The following SLC13A1 variants were observed in gnomAD, a reference collection of about 807,000 sequenced individuals.
The protein encoded by SLC13A1 is solute carrier family 13 member 1.
Under a neutral mutation model 70.0 loss-of-function variants are expected in SLC13A1, and 65 were observed. The observed-to-expected ratio is 0.93, with a 90% confidence interval of 0.76 to 1.14. The LOEUF (loss-of-function observed/expected upper bound fraction) is 1.14. SLC13A1 is among the 50% of genes most tolerant of loss of function. The pLI is 0.00. For missense variants in SLC13A1, 726 were observed against 717.8 expected (o/e 1.01, Z -0.13); for synonymous variants, 275 against 250.5 (o/e 1.10, Z -0.92).
chr7:123,150,723 A>G (rs1444595539), intron 6 of SLC13A1, among the ~76,000 whole-genome samples: 1 of 152,048 alleles, frequency 6.6e-6, no homozygotes, highest in Non-Finnish European at 1.5e-5. Flanking sequence ...GCAAGCATCT[A>G]AAAGAGTTTA....
intron 12 of SLC13A1, among the ~76,000 whole-genome samples, chr7:123,121,953 A>G (rs1000812805): frequency 7.2e-5 from 11 of 152,110 alleles, no homozygotes; most frequent in Admixed American, 6.6e-4. Flanking sequence ...TATTCTGGGT[A>G]TCCTGTAGAC....
chr7:123,135,359 CATTT>C (rs1284456101), intron 7 of SLC13A1, among the ~76,000 whole-genome samples: 6 of 152,000 alleles, frequency 3.9e-5, no homozygotes, highest in South Asian at 4.2e-4. Context: ...CTTATATAGT[CATTT>C]ATTTTATTAC....
At position 123,176,307 on chromosome 7, in the gene SLC13A1, T is replaced by C. The variant is rs1442193095; in HGVS notation, c.229-4403A>G. 2.0e-5 allele frequency among the ~76,000 whole-genome samples: 3 copies of C among 152,136 alleles called. No homozygotes were observed. The East Asian group carries it at 5.8e-4, about 29-fold the overall frequency. On this transcript the variant is annotated intron_variant, in intron 2 of 14. Transcript: ENST00000194130. Reference sequence around the variant, plus strand: ...CAGATGTGTTTGTTTATGGCCTACTTGTCCAGGGAGGTAATAGAAGAAGGT... The same window carrying C: ...CAGATGTGTTTGTTTATGGCCTACTCGTCCAGGGAGGTAATAGAAGAAGGT...
intron 7 of SLC13A1, among the ~76,000 whole-genome samples, chr7:123,146,210 T>A (rs924988067): frequency 9.2e-5 from 14 of 152,146 alleles, no homozygotes; most frequent in African/African-American, 3.1e-4. Flanking sequence ...CTTGGGAGAA[T>A]CATGGACCTT....
chr7:123,162,026 C>CTTT (rs74273952), intron 6 of SLC13A1, among the ~76,000 whole-genome samples: 1 of 131,084 alleles, frequency 7.6e-6, no homozygotes, highest in African/African-American at 2.7e-5. Context: ...AAACATATTT[C>CTTT]TTTTTTTTTT....
chr7:123,149,664 T>A, intron 6 of SLC13A1: 1 of 455,666 alleles, frequency 2.2e-6, no homozygotes, highest in South Asian at 1.6e-5. Context: ...GTGCTTGATA[T>A]TATAGTTACT....
intron 7 of SLC13A1, among the ~76,000 whole-genome samples, chr7:123,142,639 T>TTTTA (rs1491292252): frequency 4.2e-5 from 1 of 23,542 alleles, no homozygotes; most frequent in Non-Finnish European, 8.5e-5. Context: ...GGGCAAGAAC[T>TTTTA]TTTTTTTTTT....
Position 123,115,604 on chromosome 7 carries a change from C to T in SLC13A1, c.1702G>A (p.Gly568Ser), listed in dbSNP as rs746712707. The T allele has an allele frequency of 2.5e-6, 4 of 1,613,736 alleles. No homozygotes were observed. The highest frequency in any genetic ancestry group is 1.7e-5 in the Admixed American group (1 of 59,986). The change falls in exon 15 of 15, where the codon GGC becomes AGC. Residue 568 changes from glycine to serine, a missense_variant. Physicochemically the swap from Gly to Ser is moderately conservative, Grantham distance 56. Transcript: ENST00000194130. ...ATGGGTACAATCCAAGTACATATGC[C>T]AAGCATAACCACAGCAACACCAACA... ...NIVGVAVVMLGICTWIVPMFD... is the reference protein window; with the variant it reads ...NIVGVAVVMLSICTWIVPMFD...
Position 123,170,081 on chromosome 7 carries a change from AT to A in SLC13A1, c.366-747del, listed in dbSNP as rs556629537. 1.4e-4 allele frequency among the ~76,000 whole-genome samples: 22 copies of A among 152,300 alleles called. No homozygotes were observed. In the South Asian group the frequency reaches 4.4e-3, roughly 30 times the overall value. On this transcript the variant is annotated intron_variant, in intron 3 of 14. Coordinates refer to ENST00000194130, the MANE Select transcript of SLC13A1 (RefSeq NM_022444.4). ...GACTACAAAATTTTAAGCCATATCTATAAACTTTCAAAGTCACACTTGGGGA... is the reference window on the plus strand; with the variant it reads ...GACTACAAAATTTTAAGCCATATCTAAAACTTTCAAAGTCACACTTGGGGA...
rs574519027 is a variant in SLC13A1 at position 123,133,713 on chromosome 7, G to T, written c.932+697C>A. Among the ~76,000 whole-genome samples the T allele has an allele frequency of 2.0e-5, 3 of 151,888 alleles. No individual in the cohort carries two copies. The South Asian group carries it at 6.2e-4, about 32-fold the overall frequency. On this transcript the variant is annotated intron_variant, in intron 8 of 14. Transcript: ENST00000194130. ...CTGGCTATTTTTTGTGTTTTTTTTA[G>T]TAGAGATGGGATTTCACCATGTTGA...
intron 1 of SLC13A1, among the ~76,000 whole-genome samples, chr7:123,194,466 A>G (rs982315449): frequency 1.3e-5 from 2 of 152,136 alleles, no homozygotes; most frequent in Non-Finnish European, 2.9e-5. Context: ...CAGCAAAACC[A>G]TCTTTTGTTT....
At chr7:123,135,038 T>C (rs1793908371) in intron 7 of SLC13A1, among the ~76,000 whole-genome samples, 1 of 152,192 alleles carries the variant, frequency 6.6e-6, no homozygotes, top group Non-Finnish European at 1.5e-5. Flanking sequence ...TCATCTCCCA[T>C]GGCTGTTTTC....
chr7:123,119,447 A>G (rs980141736), intron 12 of SLC13A1, among the ~76,000 whole-genome samples: 2 of 152,014 alleles, frequency 1.3e-5, no homozygotes, highest in Non-Finnish European at 2.9e-5. Context: ...CACTGGGAAC[A>G]TGGTTTAGAA....
At chr7:123,166,491 C>T (rs1275315434) in intron 6 of SLC13A1, among the ~76,000 whole-genome samples, 1 of 151,810 alleles carries the variant, frequency 6.6e-6, no homozygotes, top group Non-Finnish European at 1.5e-5. Context: ...TGTGCTGAAC[C>T]CAGTAACTTG....
At chr7:123,178,137 A>G (rs1209156148) in intron 2 of SLC13A1, among the ~76,000 whole-genome samples, 3 of 152,178 alleles carry the variant, frequency 2.0e-5, no homozygotes, top group East Asian at 3.9e-4. Context: ...GTTTTGAAAT[A>G]TCAAATTGAA....
At chr7:123,133,346 C>T (rs951228344) in intron 8 of SLC13A1, among the ~76,000 whole-genome samples, 1 of 151,838 alleles carries the variant, frequency 6.6e-6, no homozygotes, top group African/African-American at 2.4e-5. Flanking sequence ...TGCAGGAAGC[C>T]CTATAGGTCA....
chr7:123,183,415 A>AT (rs565856708), intron 1 of SLC13A1, among the ~76,000 whole-genome samples: 68 of 152,162 alleles, frequency 4.5e-4, no homozygotes, highest in African/African-American at 1.6e-3. Context: ...ATTGACTTGT[A>AT]TTTTTTCAGT....
chr7:123,168,295 T>G (rs1427788314), intron 6 of SLC13A1, 79 bp downstream of exon 6: 50 of 941,368 alleles, frequency 5.3e-5, no homozygotes, highest in Non-Finnish European at 7.6e-5. Flanking sequence ...AGTGGCAGGT[T>G]TTAAAATGCA....
At chr7:123,130,752 A>C (rs1220302730) in intron 8 of SLC13A1, among the ~76,000 whole-genome samples, 4 of 152,028 alleles carry the variant, frequency 2.6e-5, no homozygotes, top group Non-Finnish European at 5.9e-5. Context: ...ACTCTATTAC[A>C]TTTTTTTCTT....
Sources: allele counts gnomAD v4.1 joint callset (sites outside exome capture counted in the v4.1 genomes callset), GRCh38; gene constraint gnomAD v4.1.1; transcripts MANE v1.5; gene names NCBI Gene and HGNC (gene_info 2026-07-23, HGNC 2026-07-21).